The following LYST variants were observed in gnomAD, a reference collection of about 807,000 sequenced individuals.
The protein encoded by LYST is lysosomal-trafficking regulator.
In LYST, 192 loss-of-function variants were observed where a neutral mutation model predicts 413.6. That is an observed-to-expected ratio of 0.46 (90% confidence interval 0.41 to 0.52). LYST has a LOEUF of 0.52. LYST is among the 20% of genes least tolerant of loss of function. The pLI is 0.00. For synonymous variants in LYST, 1,525 were observed against 1,567.3 expected, an observed-to-expected ratio of 0.97 and a Z score of 0.64; for missense variants, 3,815 against 4,499.9, an observed-to-expected ratio of 0.85 and a Z score of 4.35.
intron 50 of LYST, among the ~76,000 whole-genome samples, chr1:235,673,220 CT>C (rs200080851): frequency 2.0e-5 from 3 of 151,568 alleles, no homozygotes; most frequent in Admixed American, 6.6e-5. Flanking sequence ...CAGTCTGTCT[CT>C]TTTTTTTTCT....
intron 5 of LYST, among the ~76,000 whole-genome samples, chr1:235,808,076 T>C (rs2102875212): frequency 6.6e-6 from 1 of 152,334 alleles, no homozygotes; most frequent in East Asian, 1.9e-4. Context: ...TAATTAAACT[T>C]GCCCTGCTCT....
intron 14 of LYST, among the ~76,000 whole-genome samples, chr1:235,782,722 A>C (rs1160698833): frequency 6.6e-6 from 1 of 152,156 alleles, no homozygotes; most frequent in Non-Finnish European, 1.5e-5. Flanking sequence ...ACCTCCCCTT[A>C]ATTTTGCCAA....
chr1:235,837,909 A>C (rs1268048623), intron 1 of LYST, among the ~76,000 whole-genome samples: 1 of 152,198 alleles, frequency 6.6e-6, no homozygotes, highest in Non-Finnish European at 1.5e-5. Context: ...TCTAAGCTGA[A>C]ACATAGTATG....
intron 14 of LYST, among the ~76,000 whole-genome samples, chr1:235,784,407 A>T (rs1001273996): frequency 6.6e-6 from 1 of 152,208 alleles, no homozygotes; most frequent in African/African-American, 2.4e-5. Context: ...GACTGTCCAC[A>T]ATAAAAATCT....
intron 40 of LYST, among the ~76,000 whole-genome samples, chr1:235,717,327 T>C (rs974025695): frequency 1.3e-5 from 2 of 152,206 alleles, no homozygotes; most frequent in African/African-American, 4.8e-5. Context: ...ACCTAGTTAG[T>C]AGATGGGGAG....
chr1:235,790,047 T>C (rs1001630132), intron 12 of LYST, among the ~76,000 whole-genome samples: 12 of 152,202 alleles, frequency 7.9e-5, no homozygotes, highest in African/African-American at 2.9e-4. Context: ...AAACTTTTTA[T>C]ATATGTCTAC....
intron 46 of LYST, among the ~76,000 whole-genome samples, chr1:235,695,629 ATTTT>A (rs148101450): frequency 7.1e-4 from 83 of 116,396 alleles, no homozygotes; most frequent in Admixed American, 1.1e-3. Context: ...CAGTACTCTA[ATTTT>A]TTTTTTTTTT....
intron 32 of LYST, 56 bp from the exon 33 acceptor site, chr1:235,733,962 T>C: frequency 1.1e-6 from 1 of 875,124 alleles, no homozygotes; most frequent in East Asian, 2.8e-5. Context: ...TCACCTAACA[T>C]TGTCACAGAG....
At chr1:235,870,027 C>T (rs568595326), upstream of LYST, among the ~76,000 whole-genome samples, 2 of 152,230 alleles carry the variant, frequency 1.3e-5, no homozygotes, top group South Asian at 4.1e-4. Flanking sequence ...GAGGTCTACC[C>T]TTAATACTGC....
intron 1 of LYST, among the ~76,000 whole-genome samples, chr1:235,864,839 G>A (rs1289933140): frequency 6.6e-6 from 1 of 152,132 alleles, no homozygotes; most frequent in Admixed American, 6.5e-5. Flanking sequence ...TGAGGTGAGA[G>A]GATCACCTGA....
chr1:235,768,940 G>GT (rs1668396891), intron 20 of LYST, among the ~76,000 whole-genome samples: 1 of 152,008 alleles, frequency 6.6e-6, no homozygotes, highest in Non-Finnish European at 1.5e-5. Context: ...ATGTTTTTGT[G>GT]TTTTTGGAAT....
At position 235,695,627 on chromosome 1, in the gene LYST, T is replaced by TG. The variant is rs1390752208; in HGVS notation, c.10564+1455_10564+1456insC. 4.8e-5 allele frequency among the ~76,000 whole-genome samples: 5 copies of TG among 105,026 alleles called. No homozygotes were observed. In the South Asian group the frequency reaches 1.4e-3, roughly 30 times the overall value. The allele number at this position is 105,026 out of a possible 152,430, so 68.9% of individuals were successfully genotyped here. ...AACAGAGAGAAACTTTACAGTACTC[T>TG]AATTTTTTTTTTTTTTTTTTTTTGA... is the stretch of plus-strand genomic sequence containing the variant. On this transcript the variant is annotated intron_variant, in intron 46 of 52. Coordinates refer to ENST00000389793, the MANE Select transcript of LYST (RefSeq NM_000081.4).
At chr1:235,798,810 G>C (rs1282503672) in intron 10 of LYST, among the ~76,000 whole-genome samples, 1 of 152,056 alleles carries the variant, frequency 6.6e-6, no homozygotes, top group East Asian at 1.9e-4. Flanking sequence ...GTGATTGCCA[G>C]GGGCAGAAGA....
At chr1:235,777,332 A>G in intron 16 of LYST, 24 bp from the exon 17 acceptor site, 2 of 1,605,034 alleles carry the variant, frequency 1.2e-6, no homozygotes, top group African/African-American at 2.7e-5. Flanking sequence ...ATTTTCATTC[A>G]GTAATGACAA....
intron 3 of LYST, among the ~76,000 whole-genome samples, chr1:235,815,093 G>A (rs1377442826): frequency 6.6e-6 from 1 of 152,094 alleles, no homozygotes; most frequent in African/African-American, 2.4e-5. Context: ...AGTAAACTTA[G>A]CTTTCATGTT....
chr1:235,738,477 G>A lies in LYST; in HGVS notation c.8358+2945C>T, dbSNP rs1665018548. On this transcript the variant is annotated intron_variant, in intron 31 of 52. Transcript: ENST00000389793. ...TGGCTTTCCCAAAAACCATGTTATT[G>A]GAAGTGGTTGCAATCTGGACTCAGC... The A allele has an allele frequency of 3.7e-6, 6 of 1,612,326 alleles. No individual in the cohort carries two copies. The East Asian group carries it at 1.3e-4, about 36-fold the overall frequency.
intron 45 of LYST, 74 bp downstream of exon 45, chr1:235,702,673 A>ACTGTGTC: frequency 8.1e-7 from 1 of 1,233,732 alleles, no homozygotes; most frequent in African/African-American, 1.5e-5. Flanking sequence ...GCTATTCATC[A>ACTGTGTC]CCTGGGAGAG....
At chr1:235,770,045 A>G (rs1668513656) in intron 20 of LYST, 115 bp downstream of exon 20, 2 of 895,882 alleles carry the variant, frequency 2.2e-6, no homozygotes, top group Non-Finnish European at 1.8e-6. Context: ...TGGAGAGAAG[A>G]TGGAAAAAAA....
chr1:235,867,595 C>T (rs1424469108), upstream of LYST, among the ~76,000 whole-genome samples: 1 of 152,180 alleles, frequency 6.6e-6, no homozygotes, highest in African/African-American at 2.4e-5. Flanking sequence ...GTGTCATATG[C>T]CCTAATAGAC....
Sources: allele counts gnomAD v4.1 joint callset (sites outside exome capture counted in the v4.1 genomes callset), GRCh38; gene constraint gnomAD v4.1.1; transcripts MANE v1.5; gene names NCBI Gene and HGNC (gene_info 2026-07-23, HGNC 2026-07-21).